Variants in PCOLCE2 observed in about 807,000 individuals in gnomAD.
PCOLCE2 encodes the protein procollagen C-proteinase enhancer 2.
In PCOLCE2, 42 loss-of-function variants were observed where a neutral mutation model predicts 47.0. The ratio of observed to expected loss-of-function variants is 0.89; its 90% CI spans 0.70 to 1.16. The LOEUF is 1.16. PCOLCE2 is among the 50% of genes most tolerant of loss of function. The pLI is 0.00. For synonymous variants in PCOLCE2, 169 were observed against 191.7 expected (o/e 0.88, Z 0.98); for missense variants, 500 against 526.1 (o/e 0.95, Z 0.49).
chr3:142,834,158 T>A (rs1405477104), intron 5 of PCOLCE2, among the ~76,000 whole-genome samples: 1 of 152,136 alleles, frequency 6.6e-6, no homozygotes, highest in African/African-American at 2.4e-5. Context: ...CATCTACCCA[T>A]CACTCTTTTA....
intron 2 of PCOLCE2, among the ~76,000 whole-genome samples, chr3:142,877,647 A>G (rs1432478727): frequency 1.3e-5 from 2 of 152,180 alleles, no homozygotes; most frequent in Admixed American, 1.3e-4. Context: ...CAGAAACTTA[A>G]TCACATACCT....
chr3:142,862,611 C>T (rs1183033240), intron 2 of PCOLCE2, among the ~76,000 whole-genome samples: 1 of 152,020 alleles, frequency 6.6e-6, no homozygotes, highest in East Asian at 1.9e-4. Context: ...TTTATTAGGA[C>T]ATAATAAGAA....
At chr3:142,835,858 G>C (rs1937197595) in intron 5 of PCOLCE2, among the ~76,000 whole-genome samples, 1 of 152,160 alleles carries the variant, frequency 6.6e-6, no homozygotes. Context: ...TGCCCAGGCT[G>C]GTGTCAAATT....
At chr3:142,883,963 C>T (rs1043156356) in intron 2 of PCOLCE2, among the ~76,000 whole-genome samples, 53 of 152,178 alleles carry the variant, frequency 3.5e-4, no homozygotes, top group African/African-American at 1.2e-3. Context: ...CACATCCTAG[C>T]AGGTAGCTCC....
intron 5 of PCOLCE2, among the ~76,000 whole-genome samples, chr3:142,830,854 C>A (rs1176576478): frequency 2.6e-5 from 4 of 152,232 alleles, no homozygotes; most frequent in Non-Finnish European, 4.4e-5. Flanking sequence ...TCTGACTGAA[C>A]ACCTTTTTGA....
chr3:142,843,234 A>G (rs760195393), intron 3 of PCOLCE2, 186 bp from the exon 4 acceptor site: 18 of 677,532 alleles, frequency 2.7e-5, no homozygotes, highest in Non-Finnish European at 8.1e-6. Flanking sequence ...ACAATGAATG[A>G]TCTTTGTTAC....
intron 2 of PCOLCE2, among the ~76,000 whole-genome samples, chr3:142,857,413 G>A (rs781508883): frequency 2.6e-5 from 4 of 152,134 alleles, no homozygotes; most frequent in Non-Finnish European, 5.9e-5. Flanking sequence ...GGAGAACTCC[G>A]GGCACTGCAT....
At chr3:142,882,589 A>ATTATTTTTTTTTTTTTTTTTTTT (rs1188049251) in intron 2 of PCOLCE2, among the ~76,000 whole-genome samples, 2 of 151,640 alleles carry the variant, frequency 1.3e-5, no homozygotes, top group African/African-American at 4.9e-5. Context: ...TTATTATTAT[A>ATTATTTTTTTTTTTTTTTTTTTT]CTTTAGAGAA....
intron 2 of PCOLCE2, among the ~76,000 whole-genome samples, chr3:142,851,141 C>T (rs979970433): frequency 6.6e-6 from 1 of 152,038 alleles, no homozygotes; most frequent in Non-Finnish European, 1.5e-5. Context: ...AAAACAAGGT[C>T]ATCAGCAGCA....
At chr3:142,865,065 T>C (rs1933254901) in intron 2 of PCOLCE2, among the ~76,000 whole-genome samples, 1 of 152,190 alleles carries the variant, frequency 6.6e-6, no homozygotes, top group Admixed American at 6.5e-5. Flanking sequence ...GAAACTGTTT[T>C]CCAAAGTGGC....
intron 2 of PCOLCE2, among the ~76,000 whole-genome samples, chr3:142,886,505 CAT>C (rs1365314273): frequency 6.6e-6 from 1 of 152,096 alleles, no homozygotes; most frequent in African/African-American, 2.4e-5. Context: ...GCTATAATAA[CAT>C]AATGAAATCT....
intron 2 of PCOLCE2, among the ~76,000 whole-genome samples, chr3:142,852,208 CAGTATGA>C: frequency 6.6e-6 from 1 of 152,272 alleles, no homozygotes. Context: ...TGAGCCTTTT[CAGTATGA>C]CACAACATCC....
chr3:142,867,825 G>C (rs1933313783), intron 2 of PCOLCE2, among the ~76,000 whole-genome samples: 1 of 152,144 alleles, frequency 6.6e-6, no homozygotes, highest in African/African-American at 2.4e-5. Context: ...TAGTAAAGCA[G>C]ATACCTATAT....
At chr3:142,872,189 T>A (rs940787890) in intron 2 of PCOLCE2, among the ~76,000 whole-genome samples, 6 of 152,184 alleles carry the variant, frequency 3.9e-5, no homozygotes, top group Admixed American at 3.3e-4. Context: ...ACACCTCCTT[T>A]GGGGACTAGA....
At chr3:142,845,590 A>G (rs1937318179) in intron 3 of PCOLCE2, among the ~76,000 whole-genome samples, 1 of 152,190 alleles carries the variant, frequency 6.6e-6, no homozygotes, top group South Asian at 2.1e-4. Context: ...AGAGATTTTT[A>G]GTGTTTATCT....
At chr3:142,872,605 T>A (rs761431213) in intron 2 of PCOLCE2, among the ~76,000 whole-genome samples, 1 of 152,182 alleles carries the variant, frequency 6.6e-6, no homozygotes, top group Non-Finnish European at 1.5e-5. Flanking sequence ...ATCTCATTGA[T>A]CCCCATTCCA....
chr3:142,821,443 G>A (rs1042554313), intron 7 of PCOLCE2, among the ~76,000 whole-genome samples: 4 of 152,098 alleles, frequency 2.6e-5, no homozygotes, highest in African/African-American at 4.8e-5. Flanking sequence ...AAGATTGCGC[G>A]ATGGGGGTTT....
At chr3:142,880,684 A>G (rs1348349090) in intron 2 of PCOLCE2, among the ~76,000 whole-genome samples, 4 of 152,222 alleles carry the variant, frequency 2.6e-5, no homozygotes, top group Admixed American at 1.3e-4. Flanking sequence ...CATCTGGAGG[A>G]TGGATTAAGT....
chr3:142,869,019 C>A (rs151216638), intron 2 of PCOLCE2, among the ~76,000 whole-genome samples: 1 of 152,098 alleles, frequency 6.6e-6, no homozygotes, highest in Admixed American at 6.5e-5. Context: ...TGGCCGGGTG[C>A]GGTGGCTCAC....
Sources: gnomAD v4.1 joint callset for allele counts (sites outside exome capture counted in the v4.1 genomes callset) on GRCh38, gnomAD v4.1.1 for gene constraint, MANE v1.5 for transcripts, NCBI Gene and HGNC (gene_info 2026-07-23, HGNC 2026-07-21) for gene names.